LRRN3: variants seen among roughly 807,000 people sequenced by gnomAD.
The protein encoded by LRRN3 is leucine rich repeat neuronal 3.
Under a neutral mutation model 40.1 loss-of-function variants are expected in LRRN3, and 15 were observed. The observed-to-expected ratio is 0.37, with a 90% confidence interval of 0.25 to 0.58. The LOEUF (loss-of-function observed/expected upper bound fraction) is 0.58, where lower values mean the gene tolerates loss of function less well. Ranked by LOEUF, LRRN3 falls within the 20% of genes least tolerant of loss-of-function variation. The probability of loss-of-function intolerance (pLI) is 0.72; values close to 1 mark genes in which losing one functional copy is unlikely to be tolerated. For synonymous variants in LRRN3, 308 were observed against 297.2 expected (o/e 1.04, Z -0.37); for missense variants, 746 against 837.7 (o/e 0.89, Z 1.35).
chr7:111,092,865 C>G (rs1797009475), intron 1 of LRRN3, among the ~76,000 whole-genome samples: 1 of 152,198 alleles, frequency 6.6e-6, no homozygotes, highest in Admixed American at 6.5e-5. Flanking sequence ...GAGCTCTCTC[C>G]TGCCTTCTTT....
intron 2 of LRRN3, among the ~76,000 whole-genome samples, chr7:111,106,012 A>G: frequency 6.6e-6 from 1 of 151,976 alleles, no homozygotes; most frequent in East Asian, 1.9e-4. Context: ...AGCAAGTACA[A>G]ATAATAGGCA....
chr7:111,125,050 C>A lies in LRRN3; in HGVS notation c.*151C>A. 1 of 590,290 alleles carries A rather than the reference C, an allele frequency of 1.7e-6. No individual in the cohort carries two copies. Among genetic ancestry groups the A allele is most frequent in the Non-Finnish European group, 2.9e-6 (1 of 341,376 alleles). 36.6% of individuals were successfully genotyped at this position (590,290 alleles called of 1,614,324 possible). On this transcript the variant is annotated 3_prime_UTR_variant, in exon 3 of 3. Transcript: ENST00000308478. ...AGAAGTTTAAGCTTCACCAATGCTG[C>A]TCCTGACCAATGGAAATATGTACAA... is the stretch of plus-strand genomic sequence containing the variant.
At chr7:111,116,440 C>A (rs1322863733) in intron 2 of LRRN3, among the ~76,000 whole-genome samples, 2 of 152,230 alleles carry the variant, frequency 1.3e-5, no homozygotes, top group African/African-American at 4.8e-5. Context: ...TAAAAGACAG[C>A]ATCCATTAAA....
chr7:111,105,544 G>A (rs557914266), intron 2 of LRRN3, among the ~76,000 whole-genome samples: 1 of 151,978 alleles, frequency 6.6e-6, no homozygotes, highest in African/African-American at 2.4e-5. Flanking sequence ...ATGGGTTGCT[G>A]TAGCAACTGC....
rs1391699894 is a variant in LRRN3, at chr7:111,123,616, A to G, written c.844A>G (p.Asn282Asp). ...TAGAATACGAAGGGGTGATTTTAGC[A>G]ATATGCTACACTTAAAAGAGTTGGG... is the stretch of plus-strand genomic sequence containing the variant. ...INRIRRGDFS[N>D]MLHLKELGIN... Residue 282 changes from asparagine (N) to aspartate (D), a missense_variant, in exon 3 of 3, where the codon AAT (asparagine) becomes GAT (aspartate). Coordinates refer to ENST00000308478, the MANE Select transcript of LRRN3 (RefSeq NM_001099658.2). This position sits in a 1 kb window ranked among gnomAD's most constrained non-coding sequence, Gnocchi z 6.4. The G allele has an allele frequency of 6.2e-7, 1 of 1,613,508 alleles. No homozygotes were observed. The highest frequency in any genetic ancestry group is 1.3e-5 in the African/African-American group (1 of 74,876).
At chr7:111,110,506 A>C (rs1197732503) in intron 2 of LRRN3, among the ~76,000 whole-genome samples, 1 of 152,216 alleles carries the variant, frequency 6.6e-6, no homozygotes, top group East Asian at 1.9e-4. Flanking sequence ...AACAGAAATC[A>C]TGAAAAAGTT....
chr7:111,092,099 CACAA>C (rs909586073), intron 1 of LRRN3, among the ~76,000 whole-genome samples: 6 of 152,148 alleles, frequency 3.9e-5, no homozygotes, highest in African/African-American at 1.4e-4. Context: ...ATGAGCATAT[CACAA>C]ACAGTTATTG....
chr7:111,097,921 A>C (rs1368900199), intron 1 of LRRN3, among the ~76,000 whole-genome samples: 1 of 151,874 alleles, frequency 6.6e-6, no homozygotes, highest in Non-Finnish European at 1.5e-5. Flanking sequence ...TAATGACCTT[A>C]AACTGCAGGT....
chr7:111,106,970 CTTCT>C (rs1798617441), intron 2 of LRRN3, among the ~76,000 whole-genome samples: 1 of 151,778 alleles, frequency 6.6e-6, no homozygotes, highest in Admixed American at 6.6e-5. Context: ...ATTCAATCTA[CTTCT>C]TTCTATATTA....
Position 111,123,835 on chromosome 7 carries a change from G to A in LRRN3, c.1063G>A (p.Glu355Lys), listed in dbSNP as rs753061203. 5.6e-6 allele frequency: 9 copies of A among 1,613,824 alleles called. No homozygotes were observed. The East Asian group carries it at 1.6e-4, about 28-fold the overall frequency. The change falls in exon 3 of 3, where the codon GAG (glutamate) becomes AAG (lysine). Residue 355 changes from glutamate to lysine, a missense_variant. Coordinates refer to ENST00000308478, the MANE Select transcript of LRRN3 (RefSeq NM_001099658.2). The surrounding 1 kb of genome is among the most constrained non-coding windows in gnomAD (Gnocchi z 6.4). ...ALSALYHGTI[E>K]SLPNLKEISI... The stretch of plus-strand genomic sequence containing the variant: ...CAGTGCCCTGTACCATGGTACCATT[G>A]AGTCTCTGCCAAACCTCAAGGAAAT...
chr7:111,097,677 A>T (rs1485545228), intron 1 of LRRN3, among the ~76,000 whole-genome samples: 1 of 151,880 alleles, frequency 6.6e-6, no homozygotes, highest in Admixed American at 6.6e-5. Context: ...GTATCGCTAT[A>T]TTTATATGCC....
chr7:111,105,033 G>T (rs1201426289), intron 2 of LRRN3, among the ~76,000 whole-genome samples: 1 of 151,850 alleles, frequency 6.6e-6, no homozygotes, highest in Admixed American at 6.6e-5. Context: ...AGAGAGGCAT[G>T]ACCATAGAAT....
At chr7:111,119,326 T>G (rs570581144) in intron 2 of LRRN3, among the ~76,000 whole-genome samples, 1 of 152,322 alleles carries the variant, frequency 6.6e-6, no homozygotes, top group South Asian at 2.1e-4. Flanking sequence ...CATACGGAAT[T>G]GTAACCATCT....
In LRRN3 at chr7:111,125,385, A is replaced by C. The variant is rs1801187143; in HGVS notation, c.*486A>C. On this transcript the variant is annotated 3_prime_UTR_variant, in exon 3 of 3. Transcript: ENST00000308478. ...ATGTGGACCTCTTTTATAAGGAAAA[A>C]TACATTTTGGATTAAAATCAATTGC... The C allele has an allele frequency of 6.0e-6, 1 of 167,296 alleles. No individual in the cohort carries two copies. Among genetic ancestry groups the C allele is most frequent in the Non-Finnish European group, 1.5e-5 (1 of 68,278 alleles). 10.4% of individuals were successfully genotyped at this position (167,296 alleles called of 1,614,324 possible).
At chr7:111,107,727 T>C (rs1409745800) in intron 2 of LRRN3, among the ~76,000 whole-genome samples, 2 of 152,150 alleles carry the variant, frequency 1.3e-5, no homozygotes, top group Admixed American at 6.6e-5. Flanking sequence ...ATTTCAGATC[T>C]AGTGAGTAAT....
At chr7:111,093,556 C>T (rs921442020) in intron 1 of LRRN3, among the ~76,000 whole-genome samples, 14 of 152,086 alleles carry the variant, frequency 9.2e-5, no homozygotes, top group African/African-American at 3.1e-4. Context: ...AAATCTAACC[C>T]GCCTTATTTT....
chr7:111,104,116 G>A (rs1217138008), intron 2 of LRRN3, among the ~76,000 whole-genome samples: 2 of 151,604 alleles, frequency 1.3e-5, no homozygotes, highest in African/African-American at 2.4e-5. Flanking sequence ...CCTATATTCA[G>A]GCAACTTTTT....
Position 111,115,912 on chromosome 7 carries a change from G to A in LRRN3, c.-358-6503G>A, listed in dbSNP as rs549385106. Among the ~76,000 whole-genome samples the A allele has an allele frequency of 4.6e-5, 7 of 152,114 alleles. No individual in the cohort carries two copies. The South Asian group carries it at 1.5e-3, about 32-fold the overall frequency. On this transcript the variant is annotated intron_variant, in intron 2 of 2. Transcript: ENST00000308478. ...GGCTGGTCTCAAACTCCTGGCCTTA[G>A]GTGATCCACCCAACTCAGCCTCCCA...
At position 111,124,890 on chromosome 7, in the gene LRRN3, T is replaced by C. The variant is rs772038117; in HGVS notation, c.2118T>C (p.Asn706=). 6.4e-6 allele frequency: 10 copies of C among 1,555,048 alleles called. No individual in the cohort carries two copies. The highest frequency in any genetic ancestry group is 1.8e-4 in the Middle Eastern group (1 of 5,592). Residue 706 remains asparagine, a synonymous_variant, in exon 3 of 3, where the codon AAT becomes AAC. Coordinates refer to ENST00000308478, the MANE Select transcript of LRRN3 (RefSeq NM_001099658.2). ...CAACTGTTATAGGTTTACCAACAAA[T>C]ATGTCCTAAAAACCACCAAGGAAAC... ...VKATVIGLPT[N]MS
Sources: allele counts gnomAD v4.1 joint callset (sites outside exome capture counted in the v4.1 genomes callset), GRCh38; gene constraint gnomAD v4.1.1; non-coding constraint Gnocchi (gnomAD v3.1); transcripts MANE v1.5; gene names NCBI Gene and HGNC (gene_info 2026-07-23, HGNC 2026-07-21).